MICU2: variants seen among roughly 807,000 people sequenced by gnomAD.
The protein encoded by MICU2 is mitochondrial calcium uptake 2.
Under a neutral mutation model 60.4 loss-of-function variants are expected in MICU2, and 64 were observed. The observed-to-expected ratio is 1.06, with a 90% CI of 0.87 to 1.31. The LOEUF (loss-of-function observed/expected upper bound fraction) is 1.31, where lower values mean the gene tolerates loss of function less well. Among genes scored for constraint, MICU2 ranks in the 50% most tolerant of loss-of-function variants. The pLI is 0.00. For missense variants in MICU2, 569 were observed against 531.0 expected, an observed-to-expected ratio of 1.07 and a Z score of -0.70; for synonymous variants, 201 against 175.0, an observed-to-expected ratio of 1.15 and a Z score of -1.17.
intron 1 of MICU2, among the ~76,000 whole-genome samples, chr13:21,599,277 C>A (rs1354596243): frequency 1.3e-5 from 2 of 152,198 alleles, no homozygotes. Context: ...TCCTAAACCT[C>A]CCTTCTCCAT....
Position 21,498,369 on chromosome 13 carries a change from CTTTTTT to C in MICU2, c.934-2215_934-2210del, listed in dbSNP as rs34890922. 5.6e-3 allele frequency among the ~76,000 whole-genome samples: 441 copies of C among 78,518 alleles called. 1 individual carries two copies. Among genetic ancestry groups the C allele is most frequent in the South Asian group, 0.014 (21 of 1,492 alleles). The allele number at this position is 78,518 out of a possible 152,430, so 51.5% of individuals were successfully genotyped here. A position where few individuals can be genotyped will look rare whatever the true frequency, so the allele number is the denominator to read the frequency against. ...TGTCTCCATCCAGAAATATCCTATTCTTTTTTTTTTTTTTTTTTTTTTTTTTTTTGA... is the reference window on the plus strand; with the variant it reads ...TGTCTCCATCCAGAAATATCCTATTCTTTTTTTTTTTTTTTTTTTTTTTGA... On this transcript the variant is annotated intron_variant, in intron 9 of 11. Coordinates refer to ENST00000382374, the MANE Select transcript of MICU2 (RefSeq NM_152726.3).
At chr13:21,493,449 TCCTCCAA>T in intron 11 of MICU2, 96 bp from the exon 12 acceptor site, 1 of 796,760 alleles carries the variant, frequency 1.3e-6, no homozygotes, top group South Asian at 2.1e-5. Flanking sequence ...CTTCCCACAC[TCCTCCAA>T]AAATAGTTGA....
At chr13:21,499,010 G>A (rs1364540683) in intron 9 of MICU2, among the ~76,000 whole-genome samples, 1 of 152,148 alleles carries the variant, frequency 6.6e-6, no homozygotes, top group Non-Finnish European at 1.5e-5. Context: ...GAGTGCAGTG[G>A]CGTGATCTTG....
At chr13:21,541,574 C>T (rs1448491426) in intron 2 of MICU2, among the ~76,000 whole-genome samples, 3 of 152,012 alleles carry the variant, frequency 2.0e-5, no homozygotes, top group African/African-American at 7.2e-5. Context: ...TATCCAGGTC[C>T]CTGTCTTTTG....
At chr13:21,555,779 C>T (rs543408624) in intron 2 of MICU2, among the ~76,000 whole-genome samples, 2 of 152,186 alleles carry the variant, frequency 1.3e-5, no homozygotes, top group African/African-American at 4.8e-5. Flanking sequence ...ACCTGGCTTC[C>T]CAATTCACTG....
intron 4 of MICU2, among the ~76,000 whole-genome samples, chr13:21,538,947 C>A (rs1482833515): frequency 6.6e-6 from 1 of 152,078 alleles, no homozygotes. Flanking sequence ...TTCTTTAACA[C>A]TTTCTCTGCT....
intron 8 of MICU2, among the ~76,000 whole-genome samples, chr13:21,505,914 G>C (rs950567999): frequency 1.3e-5 from 2 of 152,112 alleles, no homozygotes; most frequent in Admixed American, 6.5e-5. Context: ...GACACATATG[G>C]AAAATACTTA....
chr13:21,510,741 T>C (rs1886409188), intron 7 of MICU2, among the ~76,000 whole-genome samples: 1 of 152,116 alleles, frequency 6.6e-6, no homozygotes, highest in Non-Finnish European at 1.5e-5. Context: ...GTCTAGCATG[T>C]CTCCTAATCC....
chr13:21,577,612 T>C (rs1013875004), intron 1 of MICU2, among the ~76,000 whole-genome samples: 1 of 151,734 alleles, frequency 6.6e-6, no homozygotes, highest in Non-Finnish European at 1.5e-5. Context: ...TCAAGACCAG[T>C]GGCCAACATG....
rs1332091045 is a variant in MICU2, at chr13:21,496,269, G to T, written c.934-109C>A. 1.3e-5 allele frequency: 10 copies of T among 789,362 alleles called. No homozygotes were observed. In the East Asian group the frequency reaches 2.2e-4, roughly 17 times the overall value. The allele number at this position is 789,362 out of a possible 1,614,324, so 48.9% of individuals were successfully genotyped here. Reference sequence around the variant, plus strand: ...CGTAGAGACTAGTATCATTCTAAGAGGAAGAGACAACAGAGCTTTCTCTGT... The same window carrying T: ...CGTAGAGACTAGTATCATTCTAAGATGAAGAGACAACAGAGCTTTCTCTGT... On this transcript the variant is annotated intron_variant, in intron 9 of 11. Coordinates refer to ENST00000382374, the MANE Select transcript of MICU2 (RefSeq NM_152726.3).
chr13:21,594,545 T>C (rs190227393), intron 1 of MICU2, among the ~76,000 whole-genome samples: 70 of 152,328 alleles, frequency 4.6e-4, no homozygotes, highest in South Asian at 1.0e-3. Context: ...ACCAAAGGAA[T>C]ATAAATCATT....
At chr13:21,568,474 T>C (rs566960097) in intron 1 of MICU2, among the ~76,000 whole-genome samples, 9 of 152,360 alleles carry the variant, frequency 5.9e-5, no homozygotes, top group African/African-American at 1.9e-4. Context: ...AATGTTTTAA[T>C]TACGTAAGTC....
intron 1 of MICU2, among the ~76,000 whole-genome samples, chr13:21,588,085 T>C (rs1248785134): frequency 2.6e-5 from 4 of 152,184 alleles, no homozygotes; most frequent in Admixed American, 6.5e-5. Flanking sequence ...TTTTATGCCA[T>C]AGTTGGTCCA....
At chr13:21,511,473 A>G (rs1200368943) in intron 7 of MICU2, among the ~76,000 whole-genome samples, 5 of 152,222 alleles carry the variant, frequency 3.3e-5, no homozygotes, top group African/African-American at 9.6e-5. Context: ...TGAGACCTTT[A>G]AAGAAAATAA....
chr13:21,601,166 A>G (rs907687697), intron 1 of MICU2, among the ~76,000 whole-genome samples: 2 of 152,234 alleles, frequency 1.3e-5, no homozygotes, highest in Non-Finnish European at 2.9e-5. Context: ...ATGTAACTAT[A>G]TTAATGCATA....
intron 1 of MICU2, among the ~76,000 whole-genome samples, chr13:21,598,158 A>G (rs1367786783): frequency 6.6e-6 from 1 of 152,146 alleles, no homozygotes; most frequent in Admixed American, 6.6e-5. Flanking sequence ...TTCAAACAGT[A>G]GTGGAAAAAT....
At chr13:21,507,640 G>A (rs574019780) in intron 8 of MICU2, among the ~76,000 whole-genome samples, 45 of 148,184 alleles carry the variant, frequency 3.0e-4, no homozygotes, top group Non-Finnish European at 5.3e-4. Context: ...GTCTCACTCC[G>A]TTGCCCAGGC....
At chr13:21,570,757 T>C (rs572169400) in intron 1 of MICU2, among the ~76,000 whole-genome samples, 81 of 152,344 alleles carry the variant, frequency 5.3e-4, no homozygotes, top group Admixed American at 4.6e-3. Context: ...AACACTTCTG[T>C]GTAAAGGACC....
intron 7 of MICU2, among the ~76,000 whole-genome samples, chr13:21,512,298 A>C (rs1380341171): frequency 2.0e-5 from 3 of 152,148 alleles, no homozygotes; most frequent in Non-Finnish European, 4.4e-5. Context: ...TTGGGTTGTT[A>C]ATCACTTTGT....
Sources: gnomAD v4.1 joint callset for allele counts (sites outside exome capture counted in the v4.1 genomes callset) on GRCh38, gnomAD v4.1.1 for gene constraint, MANE v1.5 for transcripts, NCBI Gene and HGNC (gene_info 2026-07-23, HGNC 2026-07-21) for gene names.